ST6GALNAC1: variants seen among roughly 807,000 people sequenced by gnomAD.
ST6GALNAC1 encodes alpha-N-acetylgalactosaminide alpha-2,6-sialyltransferase 1.
A neutral mutation model predicts 56.8 loss-of-function variants in ST6GALNAC1; 45 were observed. The observed-to-expected ratio is 0.79, with a 90% CI of 0.62 to 1.02. The LOEUF is 1.02. Among genes scored for constraint, ST6GALNAC1 ranks in the 50% least tolerant of loss-of-function variants. The pLI, the probability that ST6GALNAC1 is intolerant of heterozygous loss-of-function variation, is 0.00. For missense variants in ST6GALNAC1, 743 were observed against 754.8 expected (o/e 0.98, Z 0.18); for synonymous variants, 295 against 297.8 (o/e 0.99, Z 0.10).
In ST6GALNAC1 at chr17:76,643,499, G is replaced by T; in HGVS notation, c.131+9C>A. 2 of 1,613,564 alleles carry T rather than the reference G, an allele frequency of 1.2e-6. No individual in the cohort carries two copies. The highest frequency in any genetic ancestry group is 2.2e-5 in the South Asian group (2 of 91,008). On this transcript the variant is annotated intron_variant, in intron 1 of 8. Transcript: ENST00000156626. ...GAAATATGAGGAGTGGAAAGGACAA[G>T]AATCTTACCTGGAAGGCTTTGTTTG...
At chr17:76,621,181 T>TC (rs1555633320), downstream of ST6GALNAC1, among the ~76,000 whole-genome samples, 1 of 68,750 alleles carries the variant, frequency 1.5e-5, no homozygotes, top group African/African-American at 4.6e-5. Context: ...TTTCTTTCTT[T>TC]CTTTCTTTTT....
chr17:76,626,573 C>T, intron 5 of ST6GALNAC1, 78 bp downstream of exon 5: 1 of 1,592,074 alleles, frequency 6.3e-7, no homozygotes, highest in South Asian at 1.1e-5. Flanking sequence ...CGGATGAAAG[C>T]CTCTCCTCTC....
chr17:76,629,298 T>C lies in ST6GALNAC1; in HGVS notation c.545A>G (p.Glu182Gly), dbSNP rs2075858028. ...RKLTASRTVS[E>G]KHQGKAATTA... ...GGTTGCCGCTTTGCCCTGGTGCTTC[T>C]CTGACACCGTCCTGGAGGCCGTCAG... Residue 182 changes from glutamate (E) to glycine (G), a missense_variant, in exon 2 of 9, where the codon GAG (glutamate) becomes GGG (glycine). By Grantham distance (98) the Glu-to-Gly change is moderately conservative. Coordinates refer to ENST00000156626, the MANE Select transcript of ST6GALNAC1 (RefSeq NM_018414.5). The C allele has an allele frequency of 1.2e-6, 2 of 1,614,190 alleles. No individual in the cohort carries two copies. The highest frequency in any genetic ancestry group is 8.5e-7 in the Non-Finnish European group (1 of 1,180,034).
intron 6 of ST6GALNAC1, 61 bp from the exon 7 acceptor site, chr17:76,626,156 T>G: frequency 1.3e-6 from 2 of 1,583,188 alleles, no homozygotes; most frequent in East Asian, 2.2e-5. Flanking sequence ...GTGGGCCAAG[T>G]CAGGGTCATG....
At chr17:76,635,945 TC>T (rs1188225824) in intron 1 of ST6GALNAC1, among the ~76,000 whole-genome samples, 10 of 152,294 alleles carry the variant, frequency 6.6e-5, no homozygotes, top group Admixed American at 1.3e-4. Context: ...GCAGTTCTGC[TC>T]GGGGGGATAC....
Position 76,643,628 on chromosome 17 carries a change from C to CAGG in ST6GALNAC1, c.8_10dup (p.Ser3dup). 6.2e-7 allele frequency: 1 copy of CAGG among 1,614,056 alleles called. No individual in the cohort carries two copies. The highest frequency in any genetic ancestry group is 8.5e-7 in the Non-Finnish European group (1 of 1,179,964). ...GCTCAGGTGCCTGCATCTCCACAGG[C>CAGG]AGGACCTCATGGTGGTGGGTCGGGT... is the stretch of plus-strand genomic sequence containing the variant. On this transcript the variant is annotated inframe_insertion, in exon 1 of 9. Coordinates refer to ENST00000156626, the MANE Select transcript of ST6GALNAC1 (RefSeq NM_018414.5).
At chr17:76,639,378 C>T (rs1173992757) in intron 1 of ST6GALNAC1, among the ~76,000 whole-genome samples, 2 of 151,954 alleles carry the variant, frequency 1.3e-5, no homozygotes, top group African/African-American at 2.4e-5. Flanking sequence ...GAGTTCAAGA[C>T]CAGCCTGGCC....
intron 1 of ST6GALNAC1, among the ~76,000 whole-genome samples, chr17:76,639,707 AC>A (rs1408664260): frequency 7.4e-6 from 1 of 134,910 alleles, no homozygotes; most frequent in African/African-American, 2.9e-5. Flanking sequence ...TAGGTGTTCT[AC>A]CTGGCTCTAA....
Position 76,625,376 on chromosome 17 carries a change from C to T in ST6GALNAC1, c.1757G>A (p.Arg586Gln), listed in dbSNP as rs371455150. Residue 586 changes from arginine to glutamine, a missense_variant, in exon 9 of 9, where the codon CGG becomes CAG. Transcript: ENST00000156626. ...WKRLHDEGII[R>Q]LYQRPGPGTA... ...TCCGGGACCAGGACGCTGGTACAGC[C>T]GGATTATCCCTTCATCGTGTAGCCG... 1.4e-4 allele frequency: 228 copies of T among 1,614,062 alleles called. No homozygotes were observed. Among genetic ancestry groups the T allele is most frequent in the Admixed American group, 3.3e-4 (20 of 60,018 alleles).
At chr17:76,637,351 TAAAA>T (rs201789498) in intron 1 of ST6GALNAC1, 13 of 123,360 alleles carry the variant, frequency 1.1e-4, no homozygotes, top group Admixed American at 1.7e-4. Context: ...AGATGTGAAT[TAAAA>T]AAAAAAAAAA....
intron 1 of ST6GALNAC1, among the ~76,000 whole-genome samples, chr17:76,630,586 C>A (rs1008437863): frequency 3.6e-5 from 5 of 137,408 alleles, no homozygotes; most frequent in Non-Finnish European, 6.3e-5. Flanking sequence ...TGAAACCCTT[C>A]TTTTTTTTTT....
At position 76,625,936 on chromosome 17, in the gene ST6GALNAC1, C is replaced by A; in HGVS notation, c.1506-18G>T. On this transcript the variant is annotated intron_variant, in intron 7 of 8. Transcript: ENST00000156626. The stretch of plus-strand genomic sequence containing the variant: ...TCAGAAACCTGTGAAATGCCCCAAA[C>A]CCCCAACTGTCAGGAGGCTGCAAGG... The A allele has an allele frequency of 6.3e-7, 1 of 1,596,928 alleles. No individual in the cohort carries two copies. The highest frequency in any genetic ancestry group is 8.5e-7 in the Non-Finnish European group (1 of 1,171,604).
In ST6GALNAC1 at chr17:76,629,614, C is replaced by T. The variant is rs767111516; in HGVS notation, c.229G>A (p.Ala77Thr). Residue 77 changes from alanine (A) to threonine (T), a missense_variant, in exon 2 of 9, where the codon GCA (alanine) becomes ACA (threonine). Transcript: ENST00000156626. ...PTRARRTTIYAEPVPENNALN... is the reference protein window; with the variant it reads ...PTRARRTTIYTEPVPENNALN... ...GCATTGTTCTCTGGCACTGGCTCTG[C>T]ATAGATGGTTGTCCTCCTTGCCCTT... 1.9e-5 allele frequency: 31 copies of T among 1,613,486 alleles called. No homozygotes were observed. The highest frequency in any genetic ancestry group is 2.7e-5 in the African/African-American group (2 of 74,798).
At chr17:76,617,723 A>C in the ST6GALNAC1 span, among the ~76,000 whole-genome samples, 3 of 151,750 alleles carry the variant, frequency 2.0e-5, no homozygotes, top group African/African-American at 7.3e-5. Context: ...GTGAGCTGCG[A>C]TCACGCCACT....
At chr17:76,632,488 C>A (rs1397056681) in intron 1 of ST6GALNAC1, among the ~76,000 whole-genome samples, 1 of 152,136 alleles carries the variant, frequency 6.6e-6, no homozygotes, top group Non-Finnish European at 1.5e-5. Flanking sequence ...CCTGGAAGGC[C>A]TATTCAACCG....
chr17:76,627,334 G>T lies in ST6GALNAC1; in HGVS notation c.1000+81C>A, dbSNP rs772505245. 70 of 1,579,898 alleles carry T rather than the reference G, an allele frequency of 4.4e-5. No homozygotes were observed. In the African/African-American group the frequency reaches 8.9e-4, roughly 20 times the overall value. On this transcript the variant is annotated intron_variant, in intron 3 of 8. Coordinates refer to ENST00000156626, the MANE Select transcript of ST6GALNAC1 (RefSeq NM_018414.5). The surrounding 1 kb of genome is among the most constrained non-coding windows in gnomAD (Gnocchi z 4.4). ...AGGTCTGGCAAACCCCAGGGAAGAGGCAGACCAGAAAGCCAGCTGCCCTCT... is the reference window on the plus strand; with the variant it reads ...AGGTCTGGCAAACCCCAGGGAAGAGTCAGACCAGAAAGCCAGCTGCCCTCT...
Position 76,625,345 on chromosome 17 carries a change from G to A in ST6GALNAC1, c.1788C>T (p.Ala596=), listed in dbSNP as rs767043202. Residue 596 remains alanine (A), a synonymous_variant, in exon 9 of 9, where the codon GCC becomes GCT. Transcript: ENST00000156626. ...CTGGCCCCGGTCAGTTCTTGGCTTT[G>A]GCAGTTCCGGGACCAGGACGCTGGT... ...RLYQRPGPGT[A]KAKN is the part of the protein sequence containing the mutation. 6.2e-7 allele frequency: 1 copy of A among 1,613,386 alleles called. No individual in the cohort carries two copies. Among genetic ancestry groups the A allele is most frequent in the Non-Finnish European group, 8.5e-7 (1 of 1,179,966 alleles).
downstream of ST6GALNAC1, among the ~76,000 whole-genome samples, chr17:76,619,896 G>A (rs1039528569): frequency 9.3e-5 from 14 of 150,976 alleles, no homozygotes; most frequent in Admixed American, 1.3e-4. Context: ...GGCATGCACC[G>A]CCACACCCGG....
At chr17:76,642,372 T>C (rs956015460) in intron 1 of ST6GALNAC1, among the ~76,000 whole-genome samples, 2 of 152,170 alleles carry the variant, frequency 1.3e-5, no homozygotes, top group Admixed American at 1.3e-4. Flanking sequence ...TTCAGTTCTG[T>C]GTATCTCAGT....
Sources: allele counts gnomAD v4.1 joint callset (sites outside exome capture counted in the v4.1 genomes callset), GRCh38; gene constraint gnomAD v4.1.1; non-coding constraint Gnocchi (gnomAD v3.1); transcripts MANE v1.5; gene names NCBI Gene and HGNC (gene_info 2026-07-23, HGNC 2026-07-21).